Variants in MEGF11 observed in about 807,000 individuals in gnomAD.
MEGF11 encodes multiple EGF like domains 11.
A neutral mutation model predicts 146.6 loss-of-function variants in MEGF11; 126 were observed. The observed-to-expected ratio is 0.86, with a 90% CI of 0.74 to 1.00. MEGF11 has a LOEUF of 1.00. Ranked by LOEUF, MEGF11 falls within the 50% of genes least tolerant of loss-of-function variation. The pLI is 0.00. For missense variants in MEGF11, 1,509 were observed against 1,521.2 expected (o/e 0.99, Z 0.13); for synonymous variants, 532 against 583.4 (o/e 0.91, Z 1.27).
intron 1 of MEGF11, among the ~76,000 whole-genome samples, chr15:66,188,379 A>G (rs977956754): frequency 6.6e-6 from 1 of 152,140 alleles, no homozygotes; most frequent in Non-Finnish European, 1.5e-5. Context: ...TTATAACATG[A>G]AAAGAAAGAA....
intron 10 of MEGF11, among the ~76,000 whole-genome samples, chr15:65,931,720 A>T (rs2079581504): frequency 6.6e-6 from 1 of 152,178 alleles, no homozygotes; most frequent in Admixed American, 6.5e-5. Context: ...ACCCCATGAC[A>T]CGAGTAGTAA....
chr15:65,947,401 C>T (rs553728292), intron 10 of MEGF11, among the ~76,000 whole-genome samples: 1 of 152,182 alleles, frequency 6.6e-6, no homozygotes, highest in South Asian at 2.1e-4. Flanking sequence ...AGGGTGCAAA[C>T]GCTGACCCCC....
At chr15:66,226,621 T>C (rs2091859148) in intron 1 of MEGF11, among the ~76,000 whole-genome samples, 1 of 152,238 alleles carries the variant, frequency 6.6e-6, no homozygotes, top group Non-Finnish European at 1.5e-5. Flanking sequence ...TGGTCTATTT[T>C]ATTATCAGTT....
chr15:65,954,783 G>A (rs1166910191), intron 10 of MEGF11, among the ~76,000 whole-genome samples: 1 of 152,206 alleles, frequency 6.6e-6, no homozygotes, highest in Non-Finnish European at 1.5e-5. Flanking sequence ...GCAAACAGAT[G>A]CTAGTCTCCC....
intron 5 of MEGF11, among the ~76,000 whole-genome samples, chr15:66,020,536 T>C (rs996234783): frequency 6.6e-6 from 1 of 152,192 alleles, no homozygotes; most frequent in African/African-American, 2.4e-5. Context: ...CAATAAAAAG[T>C]ATTGTTTAAT....
intron 1 of MEGF11, among the ~76,000 whole-genome samples, chr15:66,234,163 T>A (rs1264025940): frequency 6.6e-6 from 1 of 152,094 alleles, no homozygotes; most frequent in African/African-American, 2.4e-5. Flanking sequence ...CCTCCCAAAG[T>A]GCTGGGATTA....
chr15:66,201,193 G>A (rs527499204), intron 1 of MEGF11, among the ~76,000 whole-genome samples: 96 of 152,164 alleles, frequency 6.3e-4, no homozygotes, highest in African/African-American at 2.2e-3. Context: ...TGAGGTCCTC[G>A]CTTCTCCCTC....
At chr15:66,146,639 G>A (rs1470125727) in intron 1 of MEGF11, among the ~76,000 whole-genome samples, 1 of 152,220 alleles carries the variant, frequency 6.6e-6, no homozygotes, top group Non-Finnish European at 1.5e-5. Flanking sequence ...GCACAGGCTT[G>A]GATGTTGGAT....
At chr15:65,920,431 G>T (rs77330338) in intron 15 of MEGF11, among the ~76,000 whole-genome samples, 9,157 of 152,226 alleles carry the variant, frequency 0.06, 328 homozygotes, top group Middle Eastern at 0.095. Flanking sequence ...CCAAGTCCTG[G>T]CCCTCTGTGG....
intron 5 of MEGF11, among the ~76,000 whole-genome samples, chr15:66,008,781 G>A (rs2082608065): frequency 6.7e-6 from 1 of 150,270 alleles, no homozygotes; most frequent in African/African-American, 2.5e-5. Context: ...CCATGATTGT[G>A]CCCCTGCGCT....
At chr15:65,967,758 G>A (rs1195470613) in intron 8 of MEGF11, among the ~76,000 whole-genome samples, 2 of 152,142 alleles carry the variant, frequency 1.3e-5, no homozygotes, top group African/African-American at 4.8e-5. Flanking sequence ...GGCCTTGAGT[G>A]CTTCCTTCCC....
At chr15:66,171,487 T>C (rs2090254823) in intron 1 of MEGF11, among the ~76,000 whole-genome samples, 1 of 151,914 alleles carries the variant, frequency 6.6e-6, no homozygotes, top group South Asian at 2.1e-4. Flanking sequence ...TCACCCTACA[T>C]GGGGCTGGGG....
In MEGF11 at chr15:65,950,588, C is replaced by CACACACACACACACACAG. The variant is rs1191368699; in HGVS notation, c.1287+6958_1287+6959insCTGTGTGTGTGTGTGTGT. Reference sequence around the variant, plus strand: ...AGAGTGAGGCTTAGACACACAGACACACACACACACACACACACACACACA... The same window carrying CACACACACACACACACAG: ...AGAGTGAGGCTTAGACACACAGACACACACACACACACACACAGACACACACACACACACACACACACA... On this transcript the variant is annotated intron_variant, in intron 10 of 25. Transcript: ENST00000395614. 2.4e-3 allele frequency among the ~76,000 whole-genome samples: 9 copies of CACACACACACACACACAG among 3,748 alleles called. 1 individual carries two copies. Among genetic ancestry groups the CACACACACACACACACAG allele is most frequent in the African/African-American group, 5.7e-3 (9 of 1,576 alleles). 2.5% of individuals were successfully genotyped at this position (3,748 alleles called of 152,430 possible).
intron 5 of MEGF11, among the ~76,000 whole-genome samples, chr15:66,072,899 A>G (rs1397265643): frequency 1.3e-5 from 2 of 152,182 alleles, no homozygotes; most frequent in Admixed American, 6.5e-5. Context: ...GCCTTGCCCT[A>G]TGGGCCCTCT....
intron 1 of MEGF11, among the ~76,000 whole-genome samples, chr15:66,129,055 C>T (rs570531548): frequency 2.6e-5 from 4 of 152,340 alleles, no homozygotes; most frequent in East Asian, 1.9e-4. Flanking sequence ...CCTAGACCAC[C>T]TGGTAAGGGA....
chr15:65,918,969 A>G (rs560657099), intron 15 of MEGF11, among the ~76,000 whole-genome samples: 1 of 152,310 alleles, frequency 6.6e-6, no homozygotes, highest in East Asian at 1.9e-4. Context: ...TGGATTCCCC[A>G]TCGCCACAAA....
chr15:66,215,763 C>T (rs969473866), intron 1 of MEGF11, among the ~76,000 whole-genome samples: 2 of 152,130 alleles, frequency 1.3e-5, no homozygotes, highest in African/African-American at 4.8e-5. Context: ...AGACACCAGG[C>T]CACAGTCTCC....
chr15:66,069,340 T>C lies in MEGF11; in HGVS notation c.394+25062A>G, dbSNP rs2085271505. 2.6e-5 allele frequency among the ~76,000 whole-genome samples: 4 copies of C among 152,356 alleles called. No individual in the cohort carries two copies. The South Asian group carries it at 8.3e-4, about 32-fold the overall frequency. On this transcript the variant is annotated intron_variant, in intron 5 of 25. Coordinates refer to ENST00000395614, the MANE Select transcript of MEGF11 (RefSeq NM_001385028.1). ...AAGGGTTTGGATGGGCAGGTGCCCG[T>C]ACCTGCCATGAAGCAAGGAATAGGA... is the stretch of plus-strand genomic sequence containing the variant.
In MEGF11 at chr15:65,982,435, T is replaced by TCTGGCA; in HGVS notation, c.442_447dup (p.Cys148_Gln149dup). ...GTGATGGGGTTACACAGGGCGCCGT[T>TCTGGCA]CTGGCACTGGCACCGGTTGCTGCAG... On this transcript the variant is annotated inframe_insertion, in exon 6 of 26. Transcript: ENST00000395614. The surrounding 1 kb of genome is among the most constrained non-coding windows in gnomAD (Gnocchi z 5.6). 1 of 1,497,180 alleles carries TCTGGCA rather than the reference T, an allele frequency of 6.7e-7. No individual in the cohort carries two copies. The highest frequency in any genetic ancestry group is 8.9e-7 in the Non-Finnish European group (1 of 1,121,196). 92.7% of individuals were successfully genotyped at this position (1,497,180 alleles called of 1,614,324 possible). A position where few individuals can be genotyped will look rare whatever the true frequency, so the allele number is the denominator to read the frequency against.
Sources: allele counts gnomAD v4.1 joint callset (sites outside exome capture counted in the v4.1 genomes callset), GRCh38; gene constraint gnomAD v4.1.1; non-coding constraint Gnocchi (gnomAD v3.1); transcripts MANE v1.5; gene names NCBI Gene and HGNC (gene_info 2026-07-23, HGNC 2026-07-21).